ARHGEF25: variants seen among roughly 807,000 people sequenced by gnomAD.
ARHGEF25 encodes RAC/CDC42 exchange factor.
A neutral mutation model predicts 74.0 loss-of-function variants in ARHGEF25; 42 were observed. That is an observed-to-expected ratio of 0.57 (90% confidence interval 0.44 to 0.73). ARHGEF25 has a LOEUF of 0.73. Among genes scored for constraint, ARHGEF25 ranks in the 30% least tolerant of loss-of-function variants. ARHGEF25 has a pLI of 0.00. For synonymous variants in ARHGEF25, 293 were observed against 278.6 expected, an observed-to-expected ratio of 1.05 and a Z score of -0.51; for missense variants, 645 against 725.5, an observed-to-expected ratio of 0.89 and a Z score of 1.27.
upstream of ARHGEF25, chr12:57,610,440 A>G (rs1483095344): frequency 2.8e-6 from 3 of 1,075,272 alleles, no homozygotes; most frequent in Non-Finnish European, 2.6e-6. Flanking sequence ...GAATTCTATT[A>G]CGAGGGCCAT....
At chr12:57,613,981 C>G in intron 5 of ARHGEF25, 35 bp from the exon 6 acceptor site, 1 of 1,598,600 alleles carries the variant, frequency 6.3e-7, no homozygotes, top group Non-Finnish European at 8.6e-7. Flanking sequence ...AGAGGGCCAC[C>G]ACATGCTCAT....
Position 57,611,793 on chromosome 12 carries a change from G to T in ARHGEF25, c.-102G>T. ...CCCTCCCACAGCCTGGACCGGGGTA[G>T]GAGGGAGGGGGGGTGTGCGCCCGGC... On this transcript the variant is annotated 5_prime_UTR_variant, in exon 1 of 15. The change creates a new upstream start codon in the 5' untranslated region. Transcript: ENST00000286494. This position sits in a 1 kb window ranked among gnomAD's most constrained non-coding sequence, Gnocchi z 4.5. 1 of 1,142,482 alleles carries T rather than the reference G, an allele frequency of 8.8e-7. No homozygotes were observed. 70.8% of individuals were successfully genotyped at this position (1,142,482 alleles called of 1,614,324 possible).
In ARHGEF25 at chr12:57,612,010, G is replaced by A. The variant is rs200354586; in HGVS notation, c.97+19G>A. 6 of 1,304,314 alleles carry A rather than the reference G, an allele frequency of 4.6e-6. No individual in the cohort carries two copies. In the African/African-American group the frequency reaches 7.6e-5, roughly 16 times the overall value. The allele number at this position is 1,304,314 out of a possible 1,614,324, so 80.8% of individuals were successfully genotyped here. ...GGACGTGGTGAGTGCCAGGTCGAGA[G>A]GGTCCAGTGTTGAGTGGGGGGCGGG... On this transcript the variant is annotated intron_variant, in intron 1 of 14. Coordinates refer to ENST00000286494, the MANE Select transcript of ARHGEF25 (RefSeq NM_182947.4).
rs570956692 is a variant in ARHGEF25 at position 57,611,626 on chromosome 12, C to A, written c.-269C>A. 3.8e-6 allele frequency: 4 copies of A among 1,050,730 alleles called. No homozygotes were observed. The South Asian group carries it at 1.4e-4, about 36-fold the overall frequency. The allele number at this position is 1,050,730 out of a possible 1,614,324, so 65.1% of individuals were successfully genotyped here. A position where few individuals can be genotyped will look rare whatever the true frequency, so the allele number is the denominator to read the frequency against. ...ACTGGACATCTGGACCCTAGGCCCC[C>A]GCACCGACAGGGTTCCGGAAACCCT... On this transcript the variant is annotated 5_prime_UTR_variant, in exon 1 of 15. Coordinates refer to ENST00000286494, the MANE Select transcript of ARHGEF25 (RefSeq NM_182947.4). The surrounding 1 kb of genome is among the most constrained non-coding windows in gnomAD (Gnocchi z 4.5).
At chr12:57,610,543 T>C, upstream of ARHGEF25, 2 of 1,583,832 alleles carry the variant, frequency 1.3e-6, no homozygotes, top group South Asian at 2.3e-5. Flanking sequence ...GGAGGGCAGG[T>C]TCCTTACAGT....
rs1169507174 is a variant in ARHGEF25, at chr12:57,614,238, C to G, written c.657-93C>G. ...GTTTGGAGAAGTTTTGTAGGGCACA[C>G]TACCAGGGCAGACAGCTCGAAACTG... On this transcript the variant is annotated intron_variant, in intron 6 of 14. Coordinates refer to ENST00000286494, the MANE Select transcript of ARHGEF25 (RefSeq NM_182947.4). The surrounding 1 kb of genome is among the most constrained non-coding windows in gnomAD (Gnocchi z 4.6). The G allele has an allele frequency of 6.3e-7, 1 of 1,578,808 alleles. No homozygotes were observed. The highest frequency in any genetic ancestry group is 1.3e-5 in the African/African-American group (1 of 74,204).
rs755253699 is a variant in ARHGEF25 at position 57,616,393 on chromosome 12, G to GCTT, written c.1530_1531insCTT (p.Gln510_Ala511insLeu). ...CTGGAAGAATTCAGCTTGGAGATCAGGCCCAGGGCAGCACACACACACCCA... is the reference window on the plus strand; with the variant it reads ...CTGGAAGAATTCAGCTTGGAGATCAGCTTGCCCAGGGCAGCACACACACACCCA... On this transcript the variant is annotated inframe_insertion, in exon 14 of 15. Transcript: ENST00000286494. 148 of 1,614,024 alleles carry GCTT rather than the reference G, an allele frequency of 9.2e-5. No individual in the cohort carries two copies. Among genetic ancestry groups the GCTT allele is most frequent in the Non-Finnish European group, 1.2e-4 (138 of 1,180,028 alleles).
In ARHGEF25 at chr12:57,613,693, G is replaced by A. The variant is rs1380207239; in HGVS notation, c.486-1G>A. On this transcript the variant is annotated splice_acceptor_variant, in intron 4 of 14. Transcript: ENST00000286494. LOFTEE classifies it high-confidence loss of function. The stretch of plus-strand genomic sequence containing the variant: ...GGGGCCTCCTCCTGCTTTCATCCTA[G>A]GTATGTCCTGAGTGAACTGGTAGAA... 1 of 1,614,088 alleles carries A rather than the reference G, an allele frequency of 6.2e-7. No individual in the cohort carries two copies. Among genetic ancestry groups the A allele is most frequent in the Non-Finnish European group, 8.5e-7 (1 of 1,179,978 alleles).
chr12:57,615,877 C>G lies in ARHGEF25; in HGVS notation c.1280C>G (p.Pro427Arg). ...LGLEGNLQGDPCRFALTSRGP... is the reference protein window; with the variant it reads ...LGLEGNLQGDRCRFALTSRGP... The stretch of plus-strand genomic sequence containing the variant: ...CTGGAGGGGAACCTCCAAGGTGACC[C>G]TTGCCGCTTTGCACTGACCTCCAGA... Residue 427 changes from proline (P) to arginine (R), a missense_variant, in exon 13 of 15, where the codon CCT becomes CGT. This residue lies in a region of ARHGEF25 where 262 missense variants were observed against 256.9 expected (regional missense o/e 1.02). Transcript: ENST00000286494. The G allele has an allele frequency of 1.2e-6, 2 of 1,614,086 alleles. No homozygotes were observed. The highest frequency in any genetic ancestry group is 1.7e-6 in the Non-Finnish European group (2 of 1,179,982).
Position 57,614,850 on chromosome 12 carries a change from G to A in ARHGEF25, c.909+69G>A. The A allele has an allele frequency of 6.4e-7, 1 of 1,573,108 alleles. No homozygotes were observed. Among genetic ancestry groups the A allele is most frequent in the East Asian group, 2.3e-5 (1 of 43,702 alleles). On this transcript the variant is annotated intron_variant, in intron 9 of 14. Coordinates refer to ENST00000286494, the MANE Select transcript of ARHGEF25 (RefSeq NM_182947.4). This position sits in a 1 kb window ranked among gnomAD's most constrained non-coding sequence, Gnocchi z 4.6. Reference sequence around the variant, plus strand: ...CTGTTTCCTCATTCATCTCCCCAGGGTTCTTAGGGCTCCCCCAGACTTCCT... The same window carrying A: ...CTGTTTCCTCATTCATCTCCCCAGGATTCTTAGGGCTCCCCCAGACTTCCT...
intron 4 of ARHGEF25, 66 bp from the exon 5 acceptor site, chr12:57,613,628 G>T: frequency 1.2e-6 from 2 of 1,610,366 alleles, no homozygotes; most frequent in Non-Finnish European, 1.7e-6. Context: ...GGAGGAGGGA[G>T]GAACGGGCTG....
rs1437871861 is a variant in ARHGEF25, at chr12:57,613,000, T to A, written c.168T>A (p.Ser56=). The A allele has an allele frequency of 3.1e-6, 5 of 1,614,172 alleles. No individual in the cohort carries two copies. The highest frequency in any genetic ancestry group is 4.2e-6 in the Non-Finnish European group (5 of 1,180,014). ...CTGCCTCCGGTCTGGCTGCCCCCTC[T>A]GGCCCCAGCTCTGGCCTCAGCTCTG... ...ASAASGLAAP[S]GPSSGLSSGP... is the part of the protein sequence containing the mutation. The change falls in exon 2 of 15, where the codon TCT becomes TCA. Residue 56 remains serine (S), a synonymous_variant. Coordinates refer to ENST00000286494, the MANE Select transcript of ARHGEF25 (RefSeq NM_182947.4).
At position 57,611,725 on chromosome 12, in the gene ARHGEF25, TC is replaced by T; in HGVS notation, c.-168del. ...CCCCAGCCCTCCTCAAGACTAGACT[TC>T]CGCCTACCCCTGGACACCTCCTCCC... On this transcript the variant is annotated 5_prime_UTR_variant, in exon 1 of 15. Coordinates refer to ENST00000286494, the MANE Select transcript of ARHGEF25 (RefSeq NM_182947.4). The surrounding 1 kb of genome is among the most constrained non-coding windows in gnomAD (Gnocchi z 4.5). 5.1e-6 allele frequency: 6 copies of T among 1,180,806 alleles called. No homozygotes were observed. The highest frequency in any genetic ancestry group is 6.3e-6 in the Non-Finnish European group (6 of 955,656). The allele number at this position is 1,180,806 out of a possible 1,614,324, so 73.1% of individuals were successfully genotyped here.
intron 1 of ARHGEF25, chr12:57,612,560 A>C: frequency 3.3e-6 from 1 of 303,550 alleles, no homozygotes; most frequent in Non-Finnish European, 5.2e-6. Flanking sequence ...CCCTCTTCCC[A>C]GAGAATGGTC....
At chr12:57,613,567 C>G (rs766888283) in intron 4 of ARHGEF25, 51 bp downstream of exon 4, 1 of 1,612,008 alleles carries the variant, frequency 6.2e-7, no homozygotes. Flanking sequence ...AGAAGACTGT[C>G]CCTCACATTT....
chr12:57,612,643 G>T (rs1884100809), intron 1 of ARHGEF25: 5 of 1,167,234 alleles, frequency 4.3e-6, no homozygotes, highest in Admixed American at 3.7e-5. Context: ...TGCCCAGATG[G>T]CTGCCCCCAC....
Position 57,611,506 on chromosome 12 carries a change from G to GC in ARHGEF25, c.-386dup, listed in dbSNP as rs1884040254. ...GGGGTCGGCCCTCGCCTCCTCCCCG[G>GC]CCCGGGCCTAGAGCCACCCCTAACC... On this transcript the variant is annotated 5_prime_UTR_variant, in exon 1 of 15. Coordinates refer to ENST00000286494, the MANE Select transcript of ARHGEF25 (RefSeq NM_182947.4). The surrounding 1 kb of genome is among the most constrained non-coding windows in gnomAD (Gnocchi z 4.5). 1.0e-6 allele frequency: 1 copy of GC among 986,184 alleles called. No individual in the cohort carries two copies. The highest frequency in any genetic ancestry group is 1.7e-5 in the African/African-American group (1 of 57,230). 61.1% of individuals were successfully genotyped at this position (986,184 alleles called of 1,614,324 possible).
intron 5 of ARHGEF25, 25 bp from the exon 6 acceptor site, chr12:57,613,991 T>C: frequency 6.2e-7 from 1 of 1,610,950 alleles, no homozygotes; most frequent in Non-Finnish European, 8.5e-7. Flanking sequence ...CACATGCTCA[T>C]GACCCAACCT....
At position 57,614,782 on chromosome 12, in the gene ARHGEF25, G is replaced by T; in HGVS notation, c.909+1G>T. 1 of 1,606,500 alleles carries T rather than the reference G, an allele frequency of 6.2e-7. No individual in the cohort carries two copies. The highest frequency in any genetic ancestry group is 8.5e-7 in the Non-Finnish European group (1 of 1,176,412). The stretch of plus-strand genomic sequence containing the variant: ...CATGAAATACCAGCTGCTGCTCAAG[G>T]TCAGGACCCCCTTTTTCCTGGGGGC... On this transcript the variant is annotated splice_donor_variant, in intron 9 of 14. Coordinates refer to ENST00000286494, the MANE Select transcript of ARHGEF25 (RefSeq NM_182947.4). LOFTEE classifies it high-confidence loss of function. This position sits in a 1 kb window ranked among gnomAD's most constrained non-coding sequence, Gnocchi z 4.6.
Sources: gnomAD v4.1 joint callset for allele counts on GRCh38, gnomAD v4.1.1 for gene constraint, gnomAD v4.1.1 regional missense constraint, Gnocchi (gnomAD v3.1) non-coding constraint, MANE v1.5 for transcripts, NCBI Gene and HGNC (gene_info 2026-07-23, HGNC 2026-07-21) for gene names.